Variants in NCOA6 observed in about 807,000 individuals in gnomAD.
NCOA6 encodes the protein nuclear receptor coactivator 6, also known as NRC RAP250.
Under a neutral mutation model 171.4 loss-of-function variants are expected in NCOA6, and 49 were observed. That is an observed-to-expected ratio of 0.29 (90% confidence interval 0.23 to 0.36). The LOEUF is 0.36. Ranked by LOEUF, NCOA6 falls within the 10% of genes least tolerant of loss-of-function variation. The pLI is 1.00. For synonymous variants in NCOA6, 910 were observed against 927.5 expected (o/e 0.98, Z 0.34); for missense variants, 2,248 against 2,554.5 (o/e 0.88, Z 2.59).
chr20:34,754,652 T>C, intron 8 of NCOA6, 70 bp downstream of exon 8: 1 of 1,577,724 alleles, frequency 6.3e-7, no homozygotes, highest in Non-Finnish European at 8.7e-7. Context: ...ATCTGTATAC[T>C]CCTGTTGTCT....
intron 4 of NCOA6, among the ~76,000 whole-genome samples, chr20:34,772,554 GA>G (rs1293092456): frequency 6.6e-6 from 1 of 151,596 alleles, no homozygotes; most frequent in Non-Finnish European, 1.5e-5. Flanking sequence ...AGGGCAAACT[GA>G]AAACCTGTGA....
intron 1 of NCOA6, among the ~76,000 whole-genome samples, chr20:34,794,446 C>T (rs1056058836): frequency 6.6e-6 from 1 of 152,014 alleles, no homozygotes; most frequent in Admixed American, 6.6e-5. Context: ...TAGGAAATTA[C>T]CCAGATGTCC....
chr20:34,793,189 A>G (rs1437878209), intron 1 of NCOA6, among the ~76,000 whole-genome samples: 12 of 152,144 alleles, frequency 7.9e-5, no homozygotes, highest in Non-Finnish European at 1.8e-4. Context: ...TGTCACTTTA[A>G]GCCTTAGAGC....
intron 3 of NCOA6, among the ~76,000 whole-genome samples, chr20:34,778,330 AG>A (rs1425953493): frequency 5.9e-5 from 9 of 152,354 alleles, no homozygotes; most frequent in Non-Finnish European, 1.3e-4. Context: ...AAGGAAGTAG[AG>A]TAGTCCAAAA....
intron 8 of NCOA6, among the ~76,000 whole-genome samples, chr20:34,754,238 T>C (rs1220161587): frequency 6.6e-6 from 1 of 152,234 alleles, no homozygotes; most frequent in Non-Finnish European, 1.5e-5. Context: ...GGTTTTCATT[T>C]GCCAGAAATG....
At chr20:34,801,291 T>C (rs1437015951) in intron 1 of NCOA6, among the ~76,000 whole-genome samples, 2 of 152,018 alleles carry the variant, frequency 1.3e-5, no homozygotes, top group African/African-American at 4.8e-5. Flanking sequence ...ACAATGTATC[T>C]TAAAGAATTA....
In NCOA6 at chr20:34,750,649, T is replaced by C. The variant is rs192435497; in HGVS notation, c.1676-130A>G. On this transcript the variant is annotated intron_variant, in intron 8 of 14. Coordinates refer to ENST00000359003, the MANE Select transcript of NCOA6 (RefSeq NM_014071.5). The stretch of plus-strand genomic sequence containing the variant: ...TCCACTGACCAACATAAATATGCTG[T>C]TGACATACTTCCTGTGAGTTTTCTA... 1.2e-4 allele frequency: 125 copies of C among 1,005,318 alleles called. No individual in the cohort carries two copies. In the African/African-American group the frequency reaches 1.8e-3, roughly 14 times the overall value. The allele number at this position is 1,005,318 out of a possible 1,614,324, so 62.3% of individuals were successfully genotyped here. A position where few individuals can be genotyped will look rare whatever the true frequency, so the allele number is the denominator to read the frequency against.
chr20:34,805,507 AC>A (rs1030176374), intron 1 of NCOA6, among the ~76,000 whole-genome samples: 33 of 152,148 alleles, frequency 2.2e-4, no homozygotes, highest in African/African-American at 8.0e-4. Flanking sequence ...TGGTATATAT[AC>A]CACATTTTCT....
chr20:34,823,877 T>A (rs1398897020), intron 1 of NCOA6, among the ~76,000 whole-genome samples: 7 of 152,190 alleles, frequency 4.6e-5, no homozygotes, highest in Non-Finnish European at 5.9e-5. Context: ...TAATTTTTTT[T>A]ATTTCTTTTG....
Position 34,742,419 on chromosome 20 carries a change from A to C in NCOA6, c.3837T>G (p.Thr1279=). The C allele has an allele frequency of 6.2e-7, 1 of 1,614,180 alleles. No homozygotes were observed. Reference sequence around the variant, plus strand: ...AAGGTGCTTGCCCGATGGCCTTCAAAGTTGTTGGATTTAGGCCTTGTTGAT... The same window carrying C: ...AAGGTGCTTGCCCGATGGCCTTCAACGTTGTTGGATTTAGGCCTTGTTGAT... The part of the protein sequence containing the change: ...GFDQQGLNPT[T]LKAIGQAPSN... Residue 1279 remains threonine (T), a synonymous_variant, in exon 11 of 15, where the codon ACT becomes ACG. Coordinates refer to ENST00000359003, the MANE Select transcript of NCOA6 (RefSeq NM_014071.5).
At chr20:34,720,129 AT>A (rs1653826124) in intron 14 of NCOA6, among the ~76,000 whole-genome samples, 1 of 152,358 alleles carries the variant, frequency 6.6e-6, no homozygotes, top group African/African-American at 2.4e-5. Context: ...TTTTAAAAAA[AT>A]AATTACCTTT....
chr20:34,723,240 G>A (rs1989589070), intron 14 of NCOA6, among the ~76,000 whole-genome samples: 1 of 152,126 alleles, frequency 6.6e-6, no homozygotes, highest in African/African-American at 2.4e-5. Context: ...TCAAACCTGT[G>A]GATCTGATAC....
chr20:34,758,162 A>T, intron 6 of NCOA6, 58 bp from the exon 7 acceptor site: 2 of 1,537,220 alleles, frequency 1.3e-6, no homozygotes, highest in Non-Finnish European at 1.7e-6. Flanking sequence ...GATCTTAGAG[A>T]AGTGGCCTTT....
At chr20:34,767,631 T>C (rs1312886463) in intron 5 of NCOA6, among the ~76,000 whole-genome samples, 2 of 152,196 alleles carry the variant, frequency 1.3e-5, no homozygotes, top group African/African-American at 2.4e-5. Context: ...TCCTCTATAC[T>C]GCTGCATTTC....
intron 14 of NCOA6, among the ~76,000 whole-genome samples, chr20:34,715,808 C>A (rs998400292): frequency 1.3e-5 from 2 of 152,140 alleles, no homozygotes; most frequent in African/African-American, 4.8e-5. Flanking sequence ...CCTTTTGGAG[C>A]CAAGCTATTG....
intron 1 of NCOA6, chr20:34,820,755 A>G (rs1009196104): frequency 6.7e-6 from 1 of 150,100 alleles, no homozygotes; most frequent in African/African-American, 2.5e-5. Flanking sequence ...TGGGCGACAG[A>G]GCAAGACTTC....
intron 5 of NCOA6, among the ~76,000 whole-genome samples, chr20:34,765,383 C>T (rs577057205): frequency 6.7e-6 from 1 of 148,414 alleles, no homozygotes; most frequent in African/African-American, 2.5e-5. Flanking sequence ...TGCAGTGAGC[C>T]GAGCCGAGAT....
At position 34,741,125 on chromosome 20, in the gene NCOA6, CAGA is replaced by C. The variant is rs1568742486; in HGVS notation, c.5128_5130del (p.Ser1710del). ...GAGAGGGCATTAGGCGGTACAGGAG[CAGA>C]AGAAAATTTTATGTTCTGAGGTATG... On this transcript the variant is annotated inframe_deletion, in exon 11 of 15. Coordinates refer to ENST00000359003, the MANE Select transcript of NCOA6 (RefSeq NM_014071.5). The C allele has an allele frequency of 6.2e-7, 1 of 1,614,170 alleles. No homozygotes were observed. Among genetic ancestry groups the C allele is most frequent in the South Asian group, 1.1e-5 (1 of 91,084 alleles).
Position 34,750,306 on chromosome 20 carries a change from G to A in NCOA6, c.1889C>T (p.Pro630Leu). Residue 630 changes from proline to leucine, a missense_variant, in exon 9 of 15, where the codon CCC becomes CTC. Pro to Leu is a moderately conservative substitution (Grantham distance 98). Around this residue, in one of 7 missense-constraint regions of NCOA6, gnomAD observed 987 missense variants for 1,104.7 expected, o/e 0.89. Transcript: ENST00000359003. ...TTGCTGGACCATCTGGCCCTGGGAGGGCACGATTTGCTGGTGCATGCCCAT... is the reference window on the plus strand; with the variant it reads ...TTGCTGGACCATCTGGCCCTGGGAGAGCACGATTTGCTGGTGCATGCCCAT... ...QLMGMHQQIV[P>L]SQGQMVQQQG... The A allele has an allele frequency of 6.2e-7, 1 of 1,613,410 alleles. No individual in the cohort carries two copies. The highest frequency in any genetic ancestry group is 8.5e-7 in the Non-Finnish European group (1 of 1,179,650).
Sources: allele counts gnomAD v4.1 joint callset (sites outside exome capture counted in the v4.1 genomes callset), GRCh38; gene constraint gnomAD v4.1.1; regional missense constraint gnomAD v4.1.1; transcripts MANE v1.5; gene names NCBI Gene and HGNC (gene_info 2026-07-23, HGNC 2026-07-21).